The following NAT10 variants were observed in gnomAD, a reference collection of about 807,000 sequenced individuals.
NAT10 encodes the protein RNA cytidine acetyltransferase.
Under a neutral mutation model 132.2 loss-of-function variants are expected in NAT10, and 109 were observed. That is an observed-to-expected ratio of 0.82 (90% CI 0.71 to 0.97). The LOEUF (loss-of-function observed/expected upper bound fraction) is 0.97. Ranked by LOEUF, NAT10 falls within the 50% of genes least tolerant of loss-of-function variation. The probability of loss-of-function intolerance (pLI) is 0.00; values close to 1 mark genes in which losing one functional copy is unlikely to be tolerated. For synonymous variants in NAT10, 479 were observed against 478.0 expected (o/e 1.00, Z -0.03); for missense variants, 1,184 against 1,263.4 (o/e 0.94, Z 0.95).
chr11:34,108,287 G>A lies in NAT10; in HGVS notation c.62G>A (p.Arg21Gln), dbSNP rs773358163. The A allele has an allele frequency of 2.1e-5, 34 of 1,614,010 alleles. No homozygotes were observed. Among genetic ancestry groups the A allele is most frequent in the South Asian group, 2.0e-4 (18 of 91,086 alleles). ...RILIENGVAERQRSLFVVVGD... is the reference protein window; with the variant it reads ...RILIENGVAEQQRSLFVVVGD... ...CTCATTGAGAATGGAGTAGCTGAGC[G>A]GCAAAGATCTCTCTTTGTTGTAGTT... Residue 21 changes from arginine (R) to glutamine (Q), a missense_variant, in exon 2 of 29, where the codon CGG becomes CAG. By Grantham distance (43) the Arg-to-Gln change is conservative. Coordinates refer to ENST00000257829, the MANE Select transcript of NAT10 (RefSeq NM_024662.3).
chr11:34,106,542 G>T (rs1274791324), intron 1 of NAT10, among the ~76,000 whole-genome samples: 1 of 151,984 alleles, frequency 6.6e-6, no homozygotes, highest in Admixed American at 6.6e-5. Flanking sequence ...TACTTCTGGG[G>T]CTCCCACAGT....
chr11:34,122,597 G>A lies in NAT10; in HGVS notation c.914+5G>A, dbSNP rs1214435334. ...TGCTGGGGCGGTGGCATTTGGGTAA[G>A]GGGATTCAGTCCCCCATCTTTAGGA... is the stretch of plus-strand genomic sequence containing the variant. On this transcript the variant is annotated splice_donor_5th_base_variant and intron_variant, in intron 9 of 28. Coordinates refer to ENST00000257829, the MANE Select transcript of NAT10 (RefSeq NM_024662.3). 2 of 1,613,698 alleles carry A rather than the reference G, an allele frequency of 1.2e-6. No homozygotes were observed. The highest frequency in any genetic ancestry group is 2.2e-5 in the East Asian group (1 of 44,898).
rs145082237 is a variant in NAT10, at chr11:34,146,447, C to A, written c.*255C>A. The A allele has an allele frequency of 2.3e-3, 776 of 336,980 alleles. 7 individuals are homozygous for A. Among genetic ancestry groups the A allele is most frequent in the African/African-American group, 0.015 (698 of 47,464 alleles). 20.9% of individuals were successfully genotyped at this position (336,980 alleles called of 1,614,324 possible). On this transcript the variant is annotated 3_prime_UTR_variant, in exon 29 of 29. Transcript: ENST00000257829. ...TGCCACGAGTCTCTCTCTTCCTGCC[C>A]AGTCCAGGGCCCTCCTTTCCTATAA...
rs112780754 is a variant in NAT10, at chr11:34,139,392, A to T, written c.2316A>T (p.Arg772=). The change falls in exon 23 of 29, where the codon CGA becomes CGT. Residue 772 remains arginine (R), a synonymous_variant. Coordinates refer to ENST00000257829, the MANE Select transcript of NAT10 (RefSeq NM_024662.3). ...CGTGATGGCACCCCACAGATTTCCG[A>T]CGGCGGTTCCTAGCCTTGCTCTCCT... The part of the protein sequence containing the change: ...GWLAAFWKDF[R]RRFLALLSYQ... 1.9e-6 allele frequency: 3 copies of T among 1,614,020 alleles called. No individual in the cohort carries two copies. Among genetic ancestry groups the T allele is most frequent in the South Asian group, 2.2e-5 (2 of 91,066 alleles).
chr11:34,117,516 A>T (rs1851801991), intron 6 of NAT10, among the ~76,000 whole-genome samples: 1 of 152,184 alleles, frequency 6.6e-6, no homozygotes, highest in Admixed American at 6.5e-5. Flanking sequence ...AGCCTTGATG[A>T]ACCCTGGGGG....
chr11:34,145,329 G>A (rs1852420255), intron 28 of NAT10, among the ~76,000 whole-genome samples: 1 of 152,212 alleles, frequency 6.6e-6, no homozygotes, highest in Non-Finnish European at 1.5e-5. Context: ...AAAAATACTG[G>A]TAGCTATCAT....
chr11:34,122,563 A>T lies in NAT10; in HGVS notation c.885A>T (p.Gly295=). Residue 295 remains glycine, a synonymous_variant, in exon 9 of 29, where the codon GGA becomes GGT. Coordinates refer to ENST00000257829, the MANE Select transcript of NAT10 (RefSeq NM_024662.3). ...GACGGGGAAAATCTGCAGCCCTGGGATTGGCGATTGCTGGGGCGGTGGCAT... is the reference window on the plus strand; with the variant it reads ...GACGGGGAAAATCTGCAGCCCTGGGTTTGGCGATTGCTGGGGCGGTGGCAT... ...ARGRGKSAAL[G]LAIAGAVAFG... is the part of the protein sequence containing the mutation. The T allele has an allele frequency of 1.2e-6, 2 of 1,614,062 alleles. No individual in the cohort carries two copies. The highest frequency in any genetic ancestry group is 1.7e-6 in the Non-Finnish European group (2 of 1,180,016).
intron 11 of NAT10, among the ~76,000 whole-genome samples, chr11:34,125,733 T>C (rs1233868960): frequency 6.6e-6 from 1 of 152,002 alleles, no homozygotes; most frequent in Admixed American, 6.5e-5. Flanking sequence ...GAGGCTGAGG[T>C]GGGCGAATCA....
chr11:34,113,692 CT>C, intron 4 of NAT10, 23 bp from the exon 5 acceptor site: 1 of 1,600,960 alleles, frequency 6.2e-7, no homozygotes, highest in Non-Finnish European at 8.5e-7. Flanking sequence ...ATGACCAGCC[CT>C]TTCTAACGCC....
chr11:34,108,391 GT>G, intron 2 of NAT10, 58 bp downstream of exon 2: 1 of 1,371,906 alleles, frequency 7.3e-7, no homozygotes, highest in Non-Finnish European at 1.0e-6. Context: ...GAATCAGCAT[GT>G]TTAAGCACTC....
Position 34,118,532 on chromosome 11 carries a change from C to T in NAT10, c.780+29C>T, listed in dbSNP as rs770517578. On this transcript the variant is annotated intron_variant, in intron 8 of 28. Transcript: ENST00000257829. ...AGTGTGGTGCTCAGCACTTCCAACA[C>T]AAAGGTAGTAAAACATAGCATACGG... The T allele has an allele frequency of 1.9e-6, 3 of 1,577,166 alleles. No homozygotes were observed. In the East Asian group the frequency reaches 6.7e-5, roughly 35 times the overall value.
intron 21 of NAT10, among the ~76,000 whole-genome samples, chr11:34,137,623 C>T (rs1320777418): frequency 6.6e-6 from 1 of 152,178 alleles, no homozygotes; most frequent in Non-Finnish European, 1.5e-5. Flanking sequence ...TTGCTGTATT[C>T]CTCGCACTTA....
intron 12 of NAT10, among the ~76,000 whole-genome samples, chr11:34,129,718 C>G (rs1852070445): frequency 6.7e-6 from 1 of 150,196 alleles, no homozygotes; most frequent in Admixed American, 6.7e-5. Flanking sequence ...ACCCATTTCT[C>G]CTGCCTCAGC....
intron 12 of NAT10, 46 bp downstream of exon 12, chr11:34,127,645 G>C (rs772432098): frequency 1.3e-6 from 2 of 1,573,950 alleles, no homozygotes; most frequent in Non-Finnish European, 1.7e-6. Flanking sequence ...GCAGGCTCTT[G>C]CAGATTTAGG....
chr11:34,115,243 G>A (rs1298247515), intron 5 of NAT10, among the ~76,000 whole-genome samples: 1 of 152,158 alleles, frequency 6.6e-6, no homozygotes, highest in East Asian at 1.9e-4. Context: ...AAGAGTTCCT[G>A]GCATTTAGTA....
chr11:34,116,626 G>A (rs536244973), intron 6 of NAT10, among the ~76,000 whole-genome samples: 7 of 151,916 alleles, frequency 4.6e-5, no homozygotes, highest in Non-Finnish European at 7.4e-5. Flanking sequence ...ACAGAGTCTC[G>A]CTCTGTTGCC....
At position 34,137,037 on chromosome 11, in the gene NAT10, C is replaced by T; in HGVS notation, c.2211+11C>T. ...CTGAGACAGACCCCGGTGAGTGAGG[C>T]ATCCAGCAGAGGAGAAGTTTAGGTT... On this transcript the variant is annotated intron_variant, in intron 21 of 28. Transcript: ENST00000257829. 5 of 1,614,174 alleles carry T rather than the reference C, an allele frequency of 3.1e-6. No individual in the cohort carries two copies. Among genetic ancestry groups the T allele is most frequent in the South Asian group, 1.1e-5 (1 of 91,078 alleles).
intron 8 of NAT10, among the ~76,000 whole-genome samples, chr11:34,122,174 C>G (rs1420737243): frequency 6.6e-6 from 1 of 151,960 alleles, no homozygotes. Context: ...GAAACTCCAT[C>G]TCAGAAGGAA....
At position 34,135,393 on chromosome 11, in the gene NAT10, C is replaced by T. The variant is rs573953995; in HGVS notation, c.2028+102C>T. 33 of 877,056 alleles carry T rather than the reference C, an allele frequency of 3.8e-5. No individual in the cohort carries two copies. In the African/African-American group the frequency reaches 5.2e-4, roughly 14 times the overall value. The allele number at this position is 877,056 out of a possible 1,614,324, so 54.3% of individuals were successfully genotyped here. A position where few individuals can be genotyped will look rare whatever the true frequency, so the allele number is the denominator to read the frequency against. ...AAAACCAGTCCAGAGCTTTGGACCCCTCTCTCATTTTCTTCTGCTGCTTTC... is the reference window on the plus strand; with the variant it reads ...AAAACCAGTCCAGAGCTTTGGACCCTTCTCTCATTTTCTTCTGCTGCTTTC... On this transcript the variant is annotated intron_variant, in intron 19 of 28. Transcript: ENST00000257829.
Sources: allele counts gnomAD v4.1 joint callset (sites outside exome capture counted in the v4.1 genomes callset), GRCh38; gene constraint gnomAD v4.1.1; transcripts MANE v1.5; gene names NCBI Gene and HGNC (gene_info 2026-07-23, HGNC 2026-07-21).